The following FKBP4 variants were observed in gnomAD, a reference collection of about 807,000 sequenced individuals.
FKBP4 encodes FKBP prolyl isomerase 4.
FKBP4 carries 28 observed loss-of-function variants against 54.1 expected under a neutral mutation model. The ratio of observed to expected loss-of-function variants is 0.52; its 90% CI spans 0.38 to 0.71. The LOEUF (loss-of-function observed/expected upper bound fraction) is 0.71. FKBP4 is among the 30% of genes least tolerant of loss of function. The pLI is 0.00. For missense variants in FKBP4, 493 were observed against 574.4 expected (o/e 0.86, Z 1.45); for synonymous variants, 223 against 216.1 (o/e 1.03, Z -0.28).
chr12:2,803,064 G>T, intron 9 of FKBP4, 87 bp from the exon 10 acceptor site: 1 of 924,846 alleles, frequency 1.1e-6, no homozygotes, highest in South Asian at 1.5e-5. Context: ...GTAGGAGAAT[G>T]GGTGTATCTG....
rs976342039 is a variant in FKBP4, at chr12:2,798,646, T to A, written c.394-60T>A. On this transcript the variant is annotated intron_variant, in intron 3 of 9. Transcript: ENST00000001008. This position sits in a 1 kb window ranked among gnomAD's most constrained non-coding sequence, Gnocchi z 4.3. ...TAGGGACTCTCTCGGATGAGAAAGATTGTGTTTCACTGCCCATGAGTTAGC... is the reference window on the plus strand; with the variant it reads ...TAGGGACTCTCTCGGATGAGAAAGAATGTGTTTCACTGCCCATGAGTTAGC... The A allele has an allele frequency of 1.2e-6, 2 of 1,609,184 alleles. No homozygotes were observed. The highest frequency in any genetic ancestry group is 2.7e-5 in the African/African-American group (2 of 74,906).
At chr12:2,796,280 A>T (rs1301945869) in intron 1 of FKBP4, 1 of 1,289,174 alleles carries the variant, frequency 7.8e-7, no homozygotes, top group Non-Finnish European at 1.0e-6. Context: ...TGGGGACCTC[A>T]AGCGTCTGCT....
intron 9 of FKBP4, chr12:2,801,857 C>T: frequency 3.6e-6 from 1 of 281,674 alleles, no homozygotes; most frequent in Admixed American, 4.7e-5. Flanking sequence ...CCTCCCCCAC[C>T]AGAAGCAGCT....
intron 2 of FKBP4, 37 bp from the exon 3 acceptor site, chr12:2,797,692 C>G: frequency 6.3e-7 from 1 of 1,578,064 alleles, no homozygotes; most frequent in South Asian, 1.1e-5. Flanking sequence ...GAATCAGAAC[C>G]CTGCTAAGGC....
rs1221999582 is a variant in FKBP4, at chr12:2,795,240, T to G, written c.101T>G (p.Leu34Arg). Residue 34 changes from leucine (L) to arginine (R), a missense_variant, in exon 1 of 10, where the codon CTG becomes CGG. By Grantham distance (102) the Leu-to-Arg change is moderately radical. Coordinates refer to ENST00000001008, the MANE Select transcript of FKBP4 (RefSeq NM_002014.4). This position sits in a 1 kb window ranked among gnomAD's most constrained non-coding sequence, Gnocchi z 4.3. ...DISPKQDEGV[L>R]KVIKREGTGT... ...AGCCCCAAACAGGACGAAGGCGTGC[T>G]GAAGGTGAGGGGCGGCGGGGCCTGC... 1 of 1,326,224 alleles carries G rather than the reference T, an allele frequency of 7.5e-7. No individual in the cohort carries two copies. Among genetic ancestry groups the G allele is most frequent in the Non-Finnish European group, 9.7e-7 (1 of 1,030,428 alleles). The allele number at this position is 1,326,224 out of a possible 1,614,324, so 82.2% of individuals were successfully genotyped here.
At position 2,801,337 on chromosome 12, in the gene FKBP4, T is replaced by G. The variant is rs1347036181; in HGVS notation, c.1253T>G (p.Leu418Arg). Residue 418 changes from leucine (L) to arginine (R), a missense_variant, in exon 9 of 10, where the codon CTG (leucine) becomes CGG (arginine). Coordinates refer to ENST00000001008, the MANE Select transcript of FKBP4 (RefSeq NM_002014.4). ...CTCTATGCCAATATGTTTGAGAGGC[T>G]GGCTGAGGAGGAGAACAAGGTGAGG... Reference protein sequence around the residue: ...KKLYANMFERLAEEENKAKAE... With the variant: ...KKLYANMFERRAEEENKAKAE... The G allele has an allele frequency of 1.9e-6, 3 of 1,614,196 alleles. No homozygotes were observed. The highest frequency in any genetic ancestry group is 2.5e-6 in the Non-Finnish European group (3 of 1,180,030).
Position 2,798,900 on chromosome 12 carries a change from T to TC in FKBP4, c.514+76dup. 3.3e-6 allele frequency: 5 copies of TC among 1,524,908 alleles called. No homozygotes were observed. The highest frequency in any genetic ancestry group is 4.5e-5 in the East Asian group (2 of 44,052). The allele number at this position is 1,524,908 out of a possible 1,614,324, so 94.5% of individuals were successfully genotyped here. ...CTTGTGTGGCTTTGGGCAAGACACT[T>TC]CCGTTCTCCGAGCCTATCTTCTTGT... On this transcript the variant is annotated intron_variant, in intron 4 of 9. Coordinates refer to ENST00000001008, the MANE Select transcript of FKBP4 (RefSeq NM_002014.4). The surrounding 1 kb of genome is among the most constrained non-coding windows in gnomAD (Gnocchi z 4.3).
chr12:2,797,639 T>G, intron 2 of FKBP4, 90 bp from the exon 3 acceptor site: 11 of 1,454,960 alleles, frequency 7.6e-6, no homozygotes, highest in South Asian at 1.3e-5. Flanking sequence ...AGCTTCCCCA[T>G]GAGTGTGGTG....
chr12:2,801,419 C>T (rs2097904704), intron 9 of FKBP4, 63 bp downstream of exon 9: 2 of 1,600,356 alleles, frequency 1.2e-6, no homozygotes, highest in Admixed American at 3.4e-5. Flanking sequence ...CTACTGTGGG[C>T]TCTTTGTGCC....
chr12:2,799,897 A>G lies in FKBP4; in HGVS notation c.719A>G (p.Asn240Ser). 1 of 1,614,190 alleles carries G rather than the reference A, an allele frequency of 6.2e-7. No homozygotes were observed. The highest frequency in any genetic ancestry group is 1.7e-5 in the Admixed American group (1 of 60,030). ...AAGGAAAAGTTCCAAATCCCACCAA[A>G]TGCTGAGCTGAAATATGAATTACAC... ...VGKEKFQIPP[N>S]AELKYELHLK... is the part of the protein sequence containing the mutation. Residue 240 changes from asparagine to serine, a missense_variant, in exon 6 of 10, where the codon AAT becomes AGT. Asn to Ser is a conservative substitution (Grantham distance 46). Coordinates refer to ENST00000001008, the MANE Select transcript of FKBP4 (RefSeq NM_002014.4).
At chr12:2,802,298 C>T (rs1188264508) in intron 9 of FKBP4, among the ~76,000 whole-genome samples, 3 of 152,088 alleles carry the variant, frequency 2.0e-5, no homozygotes, top group African/African-American at 4.8e-5. Flanking sequence ...CCACCACACC[C>T]GGCTAATTTT....
At chr12:2,796,048 G>C in intron 1 of FKBP4, 1 of 1,178,190 alleles carries the variant, frequency 8.5e-7, no homozygotes, top group Non-Finnish European at 1.1e-6. Flanking sequence ...GGGGAGCTGC[G>C]GGGAGGGCAT....
intron 8 of FKBP4, 40 bp from the exon 9 acceptor site, chr12:2,801,077 C>T (rs771651624): frequency 6.2e-7 from 1 of 1,610,440 alleles, no homozygotes; most frequent in Non-Finnish European, 8.5e-7. Context: ...GCTACAAGCC[C>T]TGAGCTCCCA....
rs561263842 is a variant in FKBP4 at position 2,803,947 on chromosome 12, G to A, written c.*689G>A. On this transcript the variant is annotated 3_prime_UTR_variant, in exon 10 of 10. Coordinates refer to ENST00000001008, the MANE Select transcript of FKBP4 (RefSeq NM_002014.4). ...AATAAAGTGGAAACAATAAAACCTG[G>A]GTGTCAGACAACCCTTTCTGTTCAG... 1 of 153,008 alleles carries A rather than the reference G, an allele frequency of 6.5e-6. No individual in the cohort carries two copies. The highest frequency in any genetic ancestry group is 1.9e-4 in the East Asian group (1 of 5,184). The allele number at this position is 153,008 out of a possible 1,614,324, so 9.5% of individuals were successfully genotyped here. A position where few individuals can be genotyped will look rare whatever the true frequency, so the allele number is the denominator to read the frequency against.
intron 5 of FKBP4, 76 bp downstream of exon 5, chr12:2,799,320 G>A: frequency 1.4e-6 from 2 of 1,422,226 alleles, no homozygotes; most frequent in Non-Finnish European, 9.3e-7. Flanking sequence ...TGTAGAACCA[G>A]CTGTTTGTAT....
chr12:2,798,759 A>T lies in FKBP4; in HGVS notation c.447A>T (p.Gly149=). ...GEDLTEEEDG[G]IIRRIQTRGE... ...ATCTGACGGAAGAGGAAGATGGCGGAATCATTCGCAGAATACAGACTCGCG... is the reference window on the plus strand; with the variant it reads ...ATCTGACGGAAGAGGAAGATGGCGGTATCATTCGCAGAATACAGACTCGCG... Residue 149 remains glycine (G), a synonymous_variant, in exon 4 of 10, where the codon GGA becomes GGT. Coordinates refer to ENST00000001008, the MANE Select transcript of FKBP4 (RefSeq NM_002014.4). This position sits in a 1 kb window ranked among gnomAD's most constrained non-coding sequence, Gnocchi z 4.3. 6.2e-7 allele frequency: 1 copy of T among 1,614,196 alleles called. No homozygotes were observed. The highest frequency in any genetic ancestry group is 1.1e-5 in the South Asian group (1 of 91,082).
chr12:2,805,089 T>G lies in FKBP4; in HGVS notation c.*1831T>G. 2.2e-6 allele frequency: 1 copy of G among 450,732 alleles called. No individual in the cohort carries two copies. The highest frequency in any genetic ancestry group is 1.6e-5 in the South Asian group (1 of 63,618). The allele number at this position is 450,732 out of a possible 1,614,324, so 27.9% of individuals were successfully genotyped here. On this transcript the variant is annotated 3_prime_UTR_variant, in exon 10 of 10. Transcript: ENST00000001008. ...TTATGGAGTAAGCCTAGCACTGTAC[T>G]GACAGCATCACATGAGTGAAACTGA...
In FKBP4 at chr12:2,797,844, T is replaced by A; in HGVS notation, c.366T>A (p.Ile122=). 3.7e-6 allele frequency: 6 copies of A among 1,613,680 alleles called. No homozygotes were observed. Among genetic ancestry groups the A allele is most frequent in the Non-Finnish European group, 5.1e-6 (6 of 1,179,820 alleles). The change falls in exon 3 of 10, where the codon ATT becomes ATA. Residue 122 remains isoleucine, a synonymous_variant. Transcript: ENST00000001008. ...GTTCAGCAGGCAGTCCTCCAAAGAT[T>A]CCCCCCAATGCCACGCTTGTATTTG... The part of the protein sequence containing the change: ...AYGSAGSPPK[I]PPNATLVFEV...
At chr12:2,803,115 GGAA>G in intron 9 of FKBP4, 33 bp from the exon 10 acceptor site, 2 of 1,439,484 alleles carry the variant, frequency 1.4e-6, no homozygotes, top group Non-Finnish European at 1.9e-6. Context: ...TTTTCACTTG[GGAA>G]GTCAGCCCGT....
Sources: gnomAD v4.1 joint callset for allele counts (sites outside exome capture counted in the v4.1 genomes callset) on GRCh38, gnomAD v4.1.1 for gene constraint, Gnocchi (gnomAD v3.1) non-coding constraint, MANE v1.5 for transcripts, NCBI Gene and HGNC (gene_info 2026-07-23, HGNC 2026-07-21) for gene names.